ZFAND3: variants seen among roughly 807,000 people sequenced by gnomAD.
ZFAND3 encodes zinc finger AN1-type containing 3, also known as AN1-type zinc finger protein 3.
A neutral mutation model predicts 29.6 loss-of-function variants in ZFAND3; 10 were observed. That is an observed-to-expected ratio of 0.34 (90% CI 0.21 to 0.57). The LOEUF (loss-of-function observed/expected upper bound fraction) is 0.57, where lower values mean the gene tolerates loss of function less well. ZFAND3 is among the 20% of genes least tolerant of loss of function. ZFAND3 has a pLI of 0.86. For synonymous variants in ZFAND3, 128 were observed against 112.6 expected, an observed-to-expected ratio of 1.14 and a Z score of -0.87; for missense variants, 230 against 304.5, an observed-to-expected ratio of 0.76 and a Z score of 1.82.
At chr6:38,145,075 C>T (rs540424873) in intron 5 of ZFAND3, among the ~76,000 whole-genome samples, 1 of 152,308 alleles carries the variant, frequency 6.6e-6, no homozygotes, top group South Asian at 2.1e-4. Context: ...GGGCCTCAGC[C>T]AAGGGTAGAG....
intron 3 of ZFAND3, among the ~76,000 whole-genome samples, chr6:38,078,235 A>G (rs1039303081): frequency 6.6e-6 from 1 of 152,220 alleles, no homozygotes; most frequent in African/African-American, 2.4e-5. Flanking sequence ...GTGCTGCATT[A>G]TGTATGACAT....
At chr6:37,834,938 T>C (rs1331959617) in intron 1 of ZFAND3, among the ~76,000 whole-genome samples, 1 of 152,122 alleles carries the variant, frequency 6.6e-6, no homozygotes, top group Non-Finnish European at 1.5e-5. Flanking sequence ...GAGTTCCGGT[T>C]AGTCCACATT....
At chr6:38,126,419 T>C (rs1765636205) in intron 5 of ZFAND3, among the ~76,000 whole-genome samples, 1 of 152,242 alleles carries the variant, frequency 6.6e-6, no homozygotes, top group African/African-American at 2.4e-5. Context: ...TACATAGGCA[T>C]GGAGTTGCCA....
intron 2 of ZFAND3, among the ~76,000 whole-genome samples, chr6:37,955,344 G>A (rs1762069594): frequency 6.6e-6 from 1 of 152,156 alleles, no homozygotes; most frequent in South Asian, 2.1e-4. Context: ...TAAAAGATAT[G>A]TTGTTTAGTT....
intron 1 of ZFAND3, among the ~76,000 whole-genome samples, chr6:37,887,982 A>G (rs777392312): frequency 1.9e-4 from 29 of 152,212 alleles, no homozygotes; most frequent in Non-Finnish European, 3.7e-4. Flanking sequence ...ATTCTTGACT[A>G]TACTAAGAAG....
chr6:38,129,883 G>A (rs181585350), intron 5 of ZFAND3, among the ~76,000 whole-genome samples: 87 of 151,548 alleles, frequency 5.7e-4, no homozygotes, highest in African/African-American at 2.0e-3. Context: ...GATGAGAATT[G>A]CACTGAATTT....
At chr6:37,945,132 G>T (rs543960480) in intron 2 of ZFAND3, among the ~76,000 whole-genome samples, 1 of 152,278 alleles carries the variant, frequency 6.6e-6, no homozygotes, top group East Asian at 1.9e-4. Context: ...CAAATCCAGT[G>T]CCATGTTGGG....
At chr6:37,863,525 G>C (rs1203477906) in intron 1 of ZFAND3, among the ~76,000 whole-genome samples, 2 of 151,892 alleles carry the variant, frequency 1.3e-5, no homozygotes, top group Non-Finnish European at 2.9e-5. Context: ...ACACCAAAAG[G>C]TTGATAATAG....
intron 4 of ZFAND3, among the ~76,000 whole-genome samples, chr6:38,087,514 A>G (rs1318868838): frequency 3.3e-5 from 5 of 152,220 alleles, no homozygotes; most frequent in African/African-American, 9.7e-5. Context: ...TAATCGATCA[A>G]AAAAACAGAC....
intron 2 of ZFAND3, among the ~76,000 whole-genome samples, chr6:38,054,037 C>T (rs1486563926): frequency 6.6e-6 from 1 of 150,974 alleles, no homozygotes; most frequent in East Asian, 1.9e-4. Flanking sequence ...AGGATATATA[C>T]AGGTAGAGGT....
intron 2 of ZFAND3, among the ~76,000 whole-genome samples, chr6:38,021,606 A>G (rs1445638575): frequency 6.6e-6 from 1 of 152,216 alleles, no homozygotes; most frequent in East Asian, 1.9e-4. Flanking sequence ...TCATGGAATT[A>G]ATTGCAGTAC....
At chr6:37,939,313 C>T (rs1761767637) in intron 2 of ZFAND3, among the ~76,000 whole-genome samples, 1 of 152,168 alleles carries the variant, frequency 6.6e-6, no homozygotes, top group Non-Finnish European at 1.5e-5. Context: ...CTTGGCATTC[C>T]TTTGCTCATA....
intron 4 of ZFAND3, among the ~76,000 whole-genome samples, chr6:38,093,821 A>G (rs6916057): frequency 0.075 from 11,487 of 152,270 alleles, 534 homozygotes; most frequent in African/African-American, 0.13. Flanking sequence ...ATTAAAAACT[A>G]GCAAATAGTG....
intron 2 of ZFAND3, among the ~76,000 whole-genome samples, chr6:38,001,246 T>A (rs1201063963): frequency 6.6e-6 from 1 of 152,204 alleles, no homozygotes; most frequent in African/African-American, 2.4e-5. Context: ...CAACTTCCAG[T>A]TGAATAATAA....
chr6:38,150,834 G>C (rs757402260), intron 5 of ZFAND3, among the ~76,000 whole-genome samples: 1 of 152,310 alleles, frequency 6.6e-6, no homozygotes, highest in Non-Finnish European at 1.5e-5. Context: ...TGCTTGGGCA[G>C]GCTGCTGTGG....
chr6:38,100,470 G>C (rs1765070552), intron 4 of ZFAND3, among the ~76,000 whole-genome samples: 1 of 152,208 alleles, frequency 6.6e-6, no homozygotes, highest in Non-Finnish European at 1.5e-5. Context: ...GTTCTTATTG[G>C]TGTTGGAGGA....
At chr6:38,149,140 T>C (rs1051546807) in intron 5 of ZFAND3, among the ~76,000 whole-genome samples, 1 of 152,014 alleles carries the variant, frequency 6.6e-6, no homozygotes, top group African/African-American at 2.4e-5. Context: ...AGAGGGTGCC[T>C]TCTAATCCCA....
chr6:38,038,975 T>TA (rs1763711017), intron 2 of ZFAND3, among the ~76,000 whole-genome samples: 1 of 152,198 alleles, frequency 6.6e-6, no homozygotes, highest in South Asian at 2.1e-4. Flanking sequence ...GAGGTTGAAG[T>TA]AAACAGGTTT....
chr6:37,906,461 C>T (rs1216327554), intron 1 of ZFAND3, among the ~76,000 whole-genome samples: 1 of 152,126 alleles, frequency 6.6e-6, no homozygotes, highest in Non-Finnish European at 1.5e-5. Context: ...GTCCCTTCCA[C>T]CTTTTGGCTG....
Sources: gnomAD v4.1 joint callset for allele counts (sites outside exome capture counted in the v4.1 genomes callset) on GRCh38, gnomAD v4.1.1 for gene constraint, MANE v1.5 for transcripts, NCBI Gene and HGNC (gene_info 2026-07-23, HGNC 2026-07-21) for gene names.